Variants in ARID5B observed in about 807,000 individuals in gnomAD.
The protein encoded by ARID5B is AT-rich interactive domain-containing protein 5B.
In ARID5B, 13 loss-of-function variants were observed where a neutral mutation model predicts 97.2. The ratio of observed to expected loss-of-function variants is 0.13; its 90% CI spans 0.09 to 0.21. The LOEUF (loss-of-function observed/expected upper bound fraction) is 0.21. Among genes scored for constraint, ARID5B ranks in the 10% least tolerant of loss-of-function variants. The probability of loss-of-function intolerance (pLI) is 1.00; values close to 1 mark genes in which losing one functional copy is unlikely to be tolerated. For synonymous variants in ARID5B, 556 were observed against 570.3 expected, an observed-to-expected ratio of 0.97 and a Z score of 0.36; for missense variants, 1,210 against 1,465.3, an observed-to-expected ratio of 0.83 and a Z score of 2.84.
At chr10:61,963,368 T>C (rs1050637217) in intron 3 of ARID5B, among the ~76,000 whole-genome samples, 7 of 152,090 alleles carry the variant, frequency 4.6e-5, no homozygotes, top group Middle Eastern at 3.2e-3. Context: ...GGACTTTGTT[T>C]CCCTACCTGT....
intron 5 of ARID5B, 81 bp downstream of exon 5, chr10:62,051,081 T>A: frequency 8.6e-7 from 1 of 1,161,536 alleles, no homozygotes; most frequent in South Asian, 1.3e-5. Flanking sequence ...TGTGCCTGTG[T>A]CTTGGAGGCA....
intron 7 of ARID5B, among the ~76,000 whole-genome samples, chr10:62,062,806 T>G (rs1839939231): frequency 1.6e-5 from 2 of 125,334 alleles, no homozygotes; most frequent in Non-Finnish European, 3.4e-5. Flanking sequence ...AAAAAAAAAG[T>G]ATGCCTGCTG....
At chr10:62,080,183 T>C (rs1840193832) in intron 8 of ARID5B, among the ~76,000 whole-genome samples, 1 of 152,170 alleles carries the variant, frequency 6.6e-6, no homozygotes, top group African/African-American at 2.4e-5. Context: ...CCTTGCCTGT[T>C]GGGAGGTGAC....
chr10:61,989,726 C>A (rs986630978), intron 3 of ARID5B, among the ~76,000 whole-genome samples: 3 of 152,162 alleles, frequency 2.0e-5, no homozygotes, highest in African/African-American at 7.2e-5. Flanking sequence ...CATCGTTAAC[C>A]TTTATTAGTT....
intron 2 of ARID5B, among the ~76,000 whole-genome samples, chr10:61,930,584 A>G (rs188010431): frequency 0.039 from 5,957 of 151,822 alleles, 393 homozygotes; most frequent in African/African-American, 0.14. Context: ...GCCGGGTGTG[A>G]TGGCGGGCAC....
intron 4 of ARID5B, among the ~76,000 whole-genome samples, chr10:62,037,968 G>C (rs1392983774): frequency 6.6e-6 from 1 of 152,174 alleles, no homozygotes; most frequent in Non-Finnish European, 1.5e-5. Flanking sequence ...CTGTAATGCT[G>C]GTTGGAGGAG....
In ARID5B at chr10:62,091,983, C is replaced by T; in HGVS notation, c.2520C>T (p.Leu840=). ...DFYSSPHLHS[L]YRHTEHHLHN... ...ACTCGTCCCCTCATCTCCATAGCCT[C>T]TACAGACACACCGAGCACCATCTTC... The change falls in exon 10 of 10, where the codon CTC becomes CTT. Residue 840 remains leucine (L), a synonymous_variant. Transcript: ENST00000279873. 1 of 1,614,022 alleles carries T rather than the reference C, an allele frequency of 6.2e-7. No individual in the cohort carries two copies. The highest frequency in any genetic ancestry group is 1.1e-5 in the South Asian group (1 of 91,042).
At chr10:62,016,848 A>G (rs1839290630) in intron 4 of ARID5B, among the ~76,000 whole-genome samples, 1 of 152,146 alleles carries the variant, frequency 6.6e-6, no homozygotes, top group East Asian at 1.9e-4. Context: ...CTTTTATCTT[A>G]GGGCTGGCAT....
chr10:61,919,528 C>A (rs1264268139), intron 2 of ARID5B, among the ~76,000 whole-genome samples: 1 of 152,174 alleles, frequency 6.6e-6, no homozygotes, highest in Non-Finnish European at 1.5e-5. Context: ...GCCTTCTGGG[C>A]CATTAAATCC....
At chr10:61,904,680 C>A (rs950746860) in intron 2 of ARID5B, among the ~76,000 whole-genome samples, 1 of 152,132 alleles carries the variant, frequency 6.6e-6, no homozygotes, top group Admixed American at 6.5e-5. Flanking sequence ...GCTAACACGG[C>A]TGGTAATTAG....
At chr10:62,088,975 A>G (rs1840329862) in intron 9 of ARID5B, among the ~76,000 whole-genome samples, 1 of 152,166 alleles carries the variant, frequency 6.6e-6, no homozygotes, top group Non-Finnish European at 1.5e-5. Context: ...CCTAGCTTTC[A>G]AAGACTTCCT....
chr10:62,023,777 A>C (rs1839385027), intron 4 of ARID5B, among the ~76,000 whole-genome samples: 1 of 152,374 alleles, frequency 6.6e-6, no homozygotes, highest in Admixed American at 6.5e-5. Flanking sequence ...CTGATCTCCA[A>C]ATCAAGCCAC....
chr10:61,950,736 C>T (rs921878000), intron 3 of ARID5B, among the ~76,000 whole-genome samples: 1 of 152,202 alleles, frequency 6.6e-6, no homozygotes, highest in African/African-American at 2.4e-5. Context: ...CTTGATTCAG[C>T]AGTTCCCCTT....
At chr10:61,954,627 G>T (rs561759846) in intron 3 of ARID5B, among the ~76,000 whole-genome samples, 1 of 152,114 alleles carries the variant, frequency 6.6e-6, no homozygotes, top group Non-Finnish European at 1.5e-5. Flanking sequence ...GTGGTTTATT[G>T]GATGTGCATG....
chr10:62,008,826 G>C (rs1839180297), intron 4 of ARID5B, among the ~76,000 whole-genome samples: 1 of 152,220 alleles, frequency 6.6e-6, no homozygotes, highest in Admixed American at 6.5e-5. Flanking sequence ...CATGGACTCT[G>C]TGAGACATGG....
intron 4 of ARID5B, among the ~76,000 whole-genome samples, chr10:62,009,134 C>G (rs995048204): frequency 1.3e-5 from 2 of 152,208 alleles, no homozygotes; most frequent in Non-Finnish European, 2.9e-5. Flanking sequence ...CTCAGGAAAT[C>G]TTCTCATTGC....
chr10:62,029,823 A>G (rs943649844), intron 4 of ARID5B, among the ~76,000 whole-genome samples: 2 of 152,276 alleles, frequency 1.3e-5, no homozygotes, highest in Admixed American at 6.5e-5. Context: ...TGACATTGAA[A>G]TATCAAAAAC....
chr10:61,950,370 C>T (rs1348610029), intron 3 of ARID5B, among the ~76,000 whole-genome samples: 1 of 152,102 alleles, frequency 6.6e-6, no homozygotes, highest in Non-Finnish European at 1.5e-5. Context: ...CTCAGATGTG[C>T]TTTTAAAGTG....
chr10:61,969,081 A>T (rs1259820637), intron 3 of ARID5B, among the ~76,000 whole-genome samples: 1 of 152,202 alleles, frequency 6.6e-6, no homozygotes, highest in African/African-American at 2.4e-5. Flanking sequence ...CTTCTGCTGT[A>T]TAAATGAAAT....
Sources: gnomAD v4.1 joint callset for allele counts (sites outside exome capture counted in the v4.1 genomes callset) on GRCh38, gnomAD v4.1.1 for gene constraint, MANE v1.5 for transcripts, NCBI Gene and HGNC (gene_info 2026-07-23, HGNC 2026-07-21) for gene names.